The following CNBD1 variants were observed in gnomAD, a reference collection of about 807,000 sequenced individuals.
CNBD1 encodes the protein cyclic nucleotide-binding domain-containing protein 1.
A neutral mutation model predicts 54.4 loss-of-function variants in CNBD1; 71 were observed. That is an observed-to-expected ratio of 1.30 (90% CI 1.08 to 1.59). CNBD1 has a LOEUF of 1.59. Ranked by LOEUF, CNBD1 falls within the 40% of genes most tolerant of loss-of-function variation. The pLI is 0.00. For synonymous variants in CNBD1, 182 were observed against 170.7 expected, an observed-to-expected ratio of 1.07 and a Z score of -0.51; for missense variants, 659 against 518.0, an observed-to-expected ratio of 1.27 and a Z score of -2.64.
chr8:87,416,792 A>C (rs1015998534), intron 2 of CNBD1, among the ~76,000 whole-genome samples: 1 of 152,192 alleles, frequency 6.6e-6, no homozygotes, highest in Non-Finnish European at 1.5e-5. Flanking sequence ...AATGCATTCT[A>C]TGAGTATTAC....
chr8:86,929,909 A>G (rs1809427772), intron 3 of CNBD1, among the ~76,000 whole-genome samples: 1 of 152,202 alleles, frequency 6.6e-6, no homozygotes, highest in South Asian at 2.1e-4. Context: ...AGGTTGTCAC[A>G]CAAGTCTGAG....
At chr8:87,001,111 C>A (rs190325184) in intron 4 of CNBD1, among the ~76,000 whole-genome samples, 2 of 151,966 alleles carry the variant, frequency 1.3e-5, no homozygotes. Flanking sequence ...TATCTTATGT[C>A]TTCATTCTTT....
chr8:87,009,845 G>T (rs146605319), intron 4 of CNBD1, among the ~76,000 whole-genome samples: 139 of 152,210 alleles, frequency 9.1e-4, no homozygotes, highest in South Asian at 2.1e-3. Context: ...GGATATAAGA[G>T]AATTCTAAGA....
At chr8:87,304,704 T>C (rs1809105381) in intron 8 of CNBD1, among the ~76,000 whole-genome samples, 1 of 151,966 alleles carries the variant, frequency 6.6e-6, no homozygotes, top group African/African-American at 2.4e-5. Context: ...TTCAACAAAA[T>C]CCAGCATTAC....
chr8:87,297,936 C>T (rs893174897), intron 8 of CNBD1, among the ~76,000 whole-genome samples: 2 of 151,256 alleles, frequency 1.3e-5, no homozygotes, highest in African/African-American at 4.9e-5. Flanking sequence ...ATTCTATATT[C>T]TATATATTCT....
intron 4 of CNBD1, among the ~76,000 whole-genome samples, chr8:87,199,016 AGG>A (rs1328927925): frequency 2.6e-5 from 4 of 152,166 alleles, no homozygotes; most frequent in African/African-American, 9.7e-5. Context: ...GAAAATGTAG[AGG>A]GGGAGGTGCC....
chr8:86,872,571 T>C (rs1808456969), intron 1 of CNBD1, among the ~76,000 whole-genome samples: 1 of 152,202 alleles, frequency 6.6e-6, no homozygotes, highest in Admixed American at 6.5e-5. Context: ...GGGTTCCCTT[T>C]CCTCCACTTT....
intron 10 of CNBD1, among the ~76,000 whole-genome samples, chr8:87,364,317 A>T (rs1307270257): frequency 4.0e-5 from 6 of 151,760 alleles, no homozygotes; most frequent in Non-Finnish European, 5.9e-5. Context: ...TAGCCTGACA[A>T]TATGTGTTTG....
rs116634882 is a variant in CNBD1, at chr8:87,244,483, G to T, written c.771+7371G>T. Among the ~76,000 whole-genome samples the T allele has an allele frequency of 5.7e-3, 868 of 152,226 alleles. 19 individuals carry two copies. Among genetic ancestry groups the T allele is most frequent in the African/African-American group, 0.02 (834 of 41,536 alleles). On this transcript the variant is annotated intron_variant, in intron 6 of 10. Transcript: ENST00000518476. Reference sequence around the variant, plus strand: ...GTGATCAAGTCAGGGCATTTAGGGTGTCTATCTCCTGAGTATAATACATTT... The same window carrying T: ...GTGATCAAGTCAGGGCATTTAGGGTTTCTATCTCCTGAGTATAATACATTT...
intron 4 of CNBD1, among the ~76,000 whole-genome samples, chr8:86,951,167 G>A (rs1807608511): frequency 6.6e-6 from 1 of 152,044 alleles, no homozygotes. Context: ...TGATTCTTAA[G>A]CTAAAAGAAA....
chr8:87,203,677 C>A (rs1813909928), intron 4 of CNBD1, among the ~76,000 whole-genome samples: 1 of 152,154 alleles, frequency 6.6e-6, no homozygotes, highest in Non-Finnish European at 1.5e-5. Context: ...GAAAGTTTCA[C>A]TAGTTACGCA....
At chr8:87,013,867 T>C (rs1274885131) in intron 4 of CNBD1, among the ~76,000 whole-genome samples, 4 of 152,018 alleles carry the variant, frequency 2.6e-5, no homozygotes, top group African/African-American at 4.8e-5. Flanking sequence ...AATTTTGCTA[T>C]CTAATCTTCA....
At chr8:87,362,215 T>G (rs551703940) in intron 10 of CNBD1, among the ~76,000 whole-genome samples, 2 of 152,094 alleles carry the variant, frequency 1.3e-5, no homozygotes, top group Admixed American at 1.3e-4. Flanking sequence ...GAAGACCATA[T>G]TTTGGTTTTG....
downstream of CNBD1, among the ~76,000 whole-genome samples, chr8:87,384,944 G>A (rs978115505): frequency 2.0e-5 from 3 of 152,164 alleles, no homozygotes; most frequent in East Asian, 1.9e-4. Flanking sequence ...GTAAATGTGA[G>A]ACCATAGAAA....
chr8:87,322,678 G>A lies in CNBD1; in HGVS notation c.1043-29007G>A, dbSNP rs1431015567. On this transcript the variant is annotated intron_variant, in intron 8 of 10. Transcript: ENST00000518476. ...TTGTTTTTTTCTTGTAAATTTGTTTGAGTTCATTGTAGATTCTGGATATTA... is the reference window on the plus strand; with the variant it reads ...TTGTTTTTTTCTTGTAAATTTGTTTAAGTTCATTGTAGATTCTGGATATTA... 4.1e-4 allele frequency among the ~76,000 whole-genome samples: 31 copies of A among 74,758 alleles called. 4 individuals are homozygous for A. Among genetic ancestry groups the A allele is most frequent in the Non-Finnish European group, 8.2e-4 (29 of 35,482 alleles). The allele number at this position is 74,758 out of a possible 152,430, so 49.0% of individuals were successfully genotyped here. A position where few individuals can be genotyped will look rare whatever the true frequency, so the allele number is the denominator to read the frequency against.
rs139836735 is a variant in CNBD1 at position 87,320,252 on chromosome 8, CTAAT to C, written c.1043-31431_1043-31428del. Among the ~76,000 whole-genome samples the C allele has an allele frequency of 4.7e-3, 712 of 152,166 alleles. 3 individuals are homozygous for C. The highest frequency in any genetic ancestry group is 0.014 in the Middle Eastern group (4 of 294). ...ATTTCAGGCTTTGTTAAGGACATAA[CTAAT>C]TGTGTTTTGTGCATGATAGGAGTTG... On this transcript the variant is annotated intron_variant, in intron 8 of 10. Coordinates refer to ENST00000518476, the MANE Select transcript of CNBD1 (RefSeq NM_173538.3).
At chr8:86,912,491 C>T (rs955899620) in intron 3 of CNBD1, among the ~76,000 whole-genome samples, 2 of 152,158 alleles carry the variant, frequency 1.3e-5, no homozygotes, top group African/African-American at 4.8e-5. Context: ...TCAGGGACTT[C>T]ATAGCTGCCT....
At chr8:87,324,085 T>G (rs1379183580) in intron 8 of CNBD1, among the ~76,000 whole-genome samples, 3 of 125,254 alleles carry the variant, frequency 2.4e-5, no homozygotes, top group South Asian at 2.4e-4. Flanking sequence ...CTTTGGCTCT[T>G]TTTATATGCT....
intron 4 of CNBD1, among the ~76,000 whole-genome samples, chr8:86,944,802 G>A (rs767148640): frequency 6.6e-6 from 1 of 152,136 alleles, no homozygotes; most frequent in Non-Finnish European, 1.5e-5. Context: ...GTCATGTGTG[G>A]ATGCCAAAAG....
Sources: allele counts gnomAD v4.1 joint callset (sites outside exome capture counted in the v4.1 genomes callset), GRCh38; gene constraint gnomAD v4.1.1; transcripts MANE v1.5; gene names NCBI Gene and HGNC (gene_info 2026-07-23, HGNC 2026-07-21).